The following PCDH7 variants were observed in gnomAD, a reference collection of about 807,000 sequenced individuals.
The protein encoded by PCDH7 is protocadherin 7.
In PCDH7, 17 loss-of-function variants were observed where a neutral mutation model predicts 58.9. The observed-to-expected ratio is 0.29, with a 90% CI of 0.20 to 0.43. The LOEUF (loss-of-function observed/expected upper bound fraction) is 0.43, where lower values mean the gene tolerates loss of function less well. Ranked by LOEUF, PCDH7 falls within the 20% of genes least tolerant of loss-of-function variation. The pLI is 1.00. For synonymous variants in PCDH7, 664 were observed against 616.4 expected (o/e 1.08, Z -1.14); for missense variants, 1,274 against 1,441.0 (o/e 0.88, Z 1.88).
intron 2 of PCDH7, chr4:30,935,395 T>G: frequency 3.0e-5 from 24 of 796,374 alleles, no homozygotes; most frequent in Non-Finnish European, 3.5e-5. Flanking sequence ...TCCAATTCTC[T>G]AGACTAAGAG....
intron 3 of PCDH7, among the ~76,000 whole-genome samples, chr4:31,058,931 A>G (rs573362962): frequency 1.3e-5 from 2 of 152,150 alleles, no homozygotes; most frequent in South Asian, 4.1e-4. Flanking sequence ...GCCACATGTA[A>G]CTGACTGCCG....
At chr4:31,070,442 A>G (rs1199795870) in intron 3 of PCDH7, among the ~76,000 whole-genome samples, 2 of 152,108 alleles carry the variant, frequency 1.3e-5, no homozygotes, top group South Asian at 4.1e-4. Context: ...AATTCCCTCT[A>G]GAATGTTCTA....
chr4:31,130,063 A>G (rs1718791569), intron 3 of PCDH7, among the ~76,000 whole-genome samples: 2 of 152,178 alleles, frequency 1.3e-5, no homozygotes, highest in Admixed American at 1.3e-4. Flanking sequence ...AATCCTATAA[A>G]GTATTTATTA....
At chr4:31,124,564 CT>C in intron 3 of PCDH7, among the ~76,000 whole-genome samples, 1 of 152,322 alleles carries the variant, frequency 6.6e-6, no homozygotes, top group African/African-American at 2.4e-5. Context: ...CTACTACCTT[CT>C]TACCTCACTG....
chr4:31,120,218 T>C (rs574735875), intron 3 of PCDH7, among the ~76,000 whole-genome samples: 3 of 151,988 alleles, frequency 2.0e-5, no homozygotes, highest in African/African-American at 7.2e-5. Context: ...TTCCTTCCTG[T>C]TTTTTCTCCC....
At chr4:30,910,124 T>G (rs1741535341) in intron 1 of PCDH7, among the ~76,000 whole-genome samples, 1 of 152,206 alleles carries the variant, frequency 6.6e-6, no homozygotes, top group Admixed American at 6.5e-5. Flanking sequence ...GCTAGCCATA[T>G]GCAGAAAACT....
At position 30,967,664 on chromosome 4, in the gene PCDH7, T is replaced by C. The variant is rs571676552; in HGVS notation, c.*7+17449T>C. On this transcript the variant is annotated intron_variant, in intron 3 of 3. Coordinates refer to the PCDH7 transcript ENST00000509759. ...TCTCTCGCTCCCATGAAATTTATGT[T>C]ACATTCAAACTAAGCATGTTGACCT... is the stretch of plus-strand genomic sequence containing the variant. Among the ~76,000 whole-genome samples the C allele has an allele frequency of 2.0e-5, 3 of 152,256 alleles. No individual in the cohort carries two copies. In the East Asian group the frequency reaches 5.8e-4, roughly 29 times the overall value.
In PCDH7 at chr4:30,723,357, C is replaced by T; in HGVS notation, c.1935C>T (p.Thr645=). ...CTAAGTTTATGCAGGACGTCTTCACCTTTTATGTGAAAGAAAACTTGCAGC... is the reference window on the plus strand; with the variant it reads ...CTAAGTTTATGCAGGACGTCTTCACTTTTTATGTGAAAGAAAACTTGCAGC... The change falls in exon 1 of 2, where the codon ACC becomes ACT. Residue 645 remains threonine, a synonymous_variant. Coordinates refer to ENST00000361762, the Ensembl canonical transcript of PCDH7. The surrounding 1 kb of genome is among the most constrained non-coding windows in gnomAD (Gnocchi z 4.6). 1 of 1,614,238 alleles carries T rather than the reference C, an allele frequency of 6.2e-7. No homozygotes were observed. Among genetic ancestry groups the T allele is most frequent in the Non-Finnish European group, 8.5e-7 (1 of 1,180,052 alleles).
chr4:31,109,665 G>C (rs1372775276), intron 3 of PCDH7, among the ~76,000 whole-genome samples: 1 of 152,106 alleles, frequency 6.6e-6, no homozygotes, highest in Admixed American at 6.5e-5. Flanking sequence ...CCATTTCATG[G>C]GTTTATCTCT....
intron 3 of PCDH7, among the ~76,000 whole-genome samples, chr4:31,074,921 T>C (rs1758860215): frequency 6.6e-6 from 1 of 152,040 alleles, no homozygotes; most frequent in Non-Finnish European, 1.5e-5. Flanking sequence ...GAGGAAATGT[T>C]AGTGTCCTTT....
chr4:30,831,377 T>C (rs549884792), intron 1 of PCDH7, among the ~76,000 whole-genome samples: 1 of 152,262 alleles, frequency 6.6e-6, no homozygotes, highest in South Asian at 2.1e-4. Flanking sequence ...GTCTTGGCCT[T>C]TACTAGCTAT....
At chr4:30,764,277 C>T (rs1468331653) in intron 1 of PCDH7, among the ~76,000 whole-genome samples, 1 of 152,146 alleles carries the variant, frequency 6.6e-6, no homozygotes, top group Non-Finnish European at 1.5e-5. Context: ...AATGAGTCTT[C>T]ATGTATTCTG....
chr4:30,768,193 A>G (rs1046530189), intron 1 of PCDH7, among the ~76,000 whole-genome samples: 3 of 150,322 alleles, frequency 2.0e-5, no homozygotes, highest in African/African-American at 7.4e-5. Flanking sequence ...TGAGCCTTTA[A>G]AGATCTAGCA....
chr4:31,013,430 A>C (rs1477272036), intron 3 of PCDH7, among the ~76,000 whole-genome samples: 1 of 150,842 alleles, frequency 6.6e-6, no homozygotes, highest in Non-Finnish European at 1.5e-5. Context: ...ATATATACAC[A>C]CATATATCAT....
chr4:30,868,358 A>G (rs567923581), intron 1 of PCDH7, among the ~76,000 whole-genome samples: 107 of 152,198 alleles, frequency 7.0e-4, no homozygotes, highest in Non-Finnish European at 1.1e-3. Context: ...GTGGTATGTC[A>G]GATTGCAAAA....
At chr4:30,894,989 AT>A (rs1218163898) in intron 1 of PCDH7, among the ~76,000 whole-genome samples, 1 of 151,840 alleles carries the variant, frequency 6.6e-6, no homozygotes, top group Admixed American at 6.6e-5. Flanking sequence ...TTATTATGTT[AT>A]TTTTATCATA....
At position 30,724,179 on chromosome 4, in the gene PCDH7, C is replaced by T. The variant is rs200930197; in HGVS notation, c.2757C>T (p.His919=). 60 of 1,613,896 alleles carry T rather than the reference C, an allele frequency of 3.7e-5. No individual in the cohort carries two copies. In the African/African-American group the frequency reaches 4.0e-4, roughly 11 times the overall value. Residue 919 remains histidine, a synonymous_variant, in exon 1 of 2, where the codon CAC becomes CAT. Coordinates refer to ENST00000361762, the Ensembl canonical transcript of PCDH7. ...GCTATGAAGCCGGCAAAAAAGATCACGAAGACTTTTTTACACCCCAACAGC... is the reference window on the plus strand; with the variant it reads ...GCTATGAAGCCGGCAAAAAAGATCATGAAGACTTTTTTACACCCCAACAGC...
At chr4:30,950,566 G>T (rs1747254698) in intron 3 of PCDH7, among the ~76,000 whole-genome samples, 2 of 152,094 alleles carry the variant, frequency 1.3e-5, no homozygotes, top group South Asian at 4.1e-4. Context: ...ATCTTTGAAA[G>T]TATAAAACAG....
At chr4:30,917,110 A>G (rs970633457) in intron 1 of PCDH7, among the ~76,000 whole-genome samples, 2 of 152,174 alleles carry the variant, frequency 1.3e-5, no homozygotes, top group Non-Finnish European at 2.9e-5. Flanking sequence ...GGAATATATA[A>G]ATAATATGAA....
Sources: gnomAD v4.1 joint callset for allele counts (sites outside exome capture counted in the v4.1 genomes callset) on GRCh38, gnomAD v4.1.1 for gene constraint, Gnocchi (gnomAD v3.1) non-coding constraint, MANE v1.5 for transcripts, NCBI Gene and HGNC (gene_info 2026-07-23, HGNC 2026-07-21) for gene names.